Variants in TNIK observed in about 807,000 individuals in gnomAD.
The protein encoded by TNIK is TRAF2 and NCK-interacting protein kinase.
A neutral mutation model predicts 191.3 loss-of-function variants in TNIK; 49 were observed. The ratio of observed to expected loss-of-function variants is 0.26; its 90% CI spans 0.20 to 0.32. The LOEUF is 0.32. TNIK is among the 10% of genes least tolerant of loss of function. The pLI is 1.00. For missense variants in TNIK, 1,155 were observed against 1,702.3 expected (o/e 0.68, Z 5.66); for synonymous variants, 594 against 600.9 (o/e 0.99, Z 0.17).
At chr3:171,215,284 G>A (rs765802841) in intron 3 of TNIK, among the ~76,000 whole-genome samples, 3 of 152,060 alleles carry the variant, frequency 2.0e-5, no homozygotes, top group Non-Finnish European at 4.4e-5. Flanking sequence ...ACCTCTGATG[G>A]CAACATGATT....
intron 12 of TNIK, among the ~76,000 whole-genome samples, chr3:171,155,276 G>A (rs1420091385): frequency 1.3e-5 from 2 of 152,222 alleles, no homozygotes; most frequent in Admixed American, 1.3e-4. Context: ...GGACCTGGCA[G>A]GAGCAGGACA....
intron 15 of TNIK, among the ~76,000 whole-genome samples, chr3:171,137,985 CAAA>C (rs1730280538): frequency 9.8e-6 from 1 of 101,820 alleles, no homozygotes; most frequent in Non-Finnish European, 2.0e-5. Flanking sequence ...AAAAAAAAAA[CAAA>C]AACAAAACCT....
At chr3:171,273,380 T>TAA (rs1212376432) in intron 2 of TNIK, among the ~76,000 whole-genome samples, 1 of 152,178 alleles carries the variant, frequency 6.6e-6, no homozygotes, top group Non-Finnish European at 1.5e-5. Context: ...TGTGCTTACT[T>TAA]CCCTCTCTTT....
intron 2 of TNIK, among the ~76,000 whole-genome samples, chr3:171,268,013 C>A (rs1379112403): frequency 2.0e-5 from 3 of 152,060 alleles, no homozygotes; most frequent in East Asian, 1.9e-4. Flanking sequence ...CATGACCCTT[C>A]CATTGCACCA....
At chr3:171,116,100 T>C (rs1452476754) in intron 18 of TNIK, among the ~76,000 whole-genome samples, 1 of 152,242 alleles carries the variant, frequency 6.6e-6, no homozygotes, top group African/African-American at 2.4e-5. Context: ...TTACCACACA[T>C]AGAAATAGGG....
chr3:171,181,096 G>T (rs138938515), intron 7 of TNIK, among the ~76,000 whole-genome samples: 1 of 152,310 alleles, frequency 6.6e-6, no homozygotes, highest in African/African-American at 2.4e-5. Flanking sequence ...CCCACCTCGG[G>T]TTCTCAAAGT....
At chr3:171,190,643 A>T in intron 6 of TNIK, 54 bp downstream of exon 6, 1 of 1,367,770 alleles carries the variant, frequency 7.3e-7, no homozygotes, top group Non-Finnish European at 1.0e-6. Context: ...TAGAGCTGTT[A>T]ATATAATCTC....
In TNIK at chr3:171,282,334, G is replaced by GTTTTTTTTTTT. The variant is rs201489240; in HGVS notation, c.124-54114_124-54113insAAAAAAAAAAA. Among the ~76,000 whole-genome samples the GTTTTTTTTTTT allele has an allele frequency of 4.5e-4, 51 of 114,488 alleles. 2 individuals carry two copies. Among genetic ancestry groups the GTTTTTTTTTTT allele is most frequent in the Middle Eastern group, 4.4e-3 (1 of 226 alleles). 75.1% of individuals were successfully genotyped at this position (114,488 alleles called of 152,430 possible). A position where few individuals can be genotyped will look rare whatever the true frequency, so the allele number is the denominator to read the frequency against. On this transcript the variant is annotated intron_variant, in intron 2 of 32. Transcript: ENST00000436636. ...GAACTATCTGCAGATTCTCTTAATGGTTTTTTGTTTTTTTTTTTTTTTTTG... is the reference window on the plus strand; with the variant it reads ...GAACTATCTGCAGATTCTCTTAATGGTTTTTTTTTTTTTTTTTGTTTTTTTTTTTTTTTTTG...
chr3:171,188,091 G>A (rs186103673), intron 7 of TNIK, among the ~76,000 whole-genome samples: 52 of 152,316 alleles, frequency 3.4e-4, no homozygotes, highest in Admixed American at 6.5e-4. Flanking sequence ...GGGCTTCTTG[G>A]AGAAATCTAT....
intron 2 of TNIK, among the ~76,000 whole-genome samples, chr3:171,326,732 T>C (rs1471395980): frequency 6.6e-6 from 1 of 152,116 alleles, no homozygotes; most frequent in Non-Finnish European, 1.5e-5. Flanking sequence ...AGTCTGGAAA[T>C]CATCCTTTGA....
intron 2 of TNIK, among the ~76,000 whole-genome samples, chr3:171,358,760 T>G (rs899811614): frequency 3.3e-5 from 5 of 152,068 alleles, no homozygotes; most frequent in African/African-American, 1.2e-4. Context: ...CACCTGCAGA[T>G]AATAAAGTGG....
rs71634497 is a variant in TNIK at position 171,327,900 on chromosome 3, T to TAAAAAAAAAAAAAAAA, written c.123+41704_123+41719dup. ...ATCTGTGGCTCCCAAACCTGGCTCA[T>TAAAAAAAAAAAAAAAA]AAAAAAAAAAAAAAAAAAAAAAAAA... On this transcript the variant is annotated intron_variant, in intron 2 of 32. Coordinates refer to ENST00000436636, the MANE Select transcript of TNIK (RefSeq NM_015028.4). 8.4e-4 allele frequency among the ~76,000 whole-genome samples: 67 copies of TAAAAAAAAAAAAAAAA among 79,630 alleles called. 1 individual carries two copies. Among genetic ancestry groups the TAAAAAAAAAAAAAAAA allele is most frequent in the East Asian group, 2.8e-3 (5 of 1,784 alleles). 52.2% of individuals were successfully genotyped at this position (79,630 alleles called of 152,430 possible).
intron 22 of TNIK, among the ~76,000 whole-genome samples, chr3:171,099,523 T>C (rs1363754064): frequency 2.0e-5 from 3 of 152,042 alleles, no homozygotes; most frequent in Non-Finnish European, 4.4e-5. Context: ...CCATGGAACG[T>C]GTTAAGAGCA....
At chr3:171,330,413 A>G (rs1046661626) in intron 2 of TNIK, among the ~76,000 whole-genome samples, 31 of 152,380 alleles carry the variant, frequency 2.0e-4, no homozygotes, top group African/African-American at 7.5e-4. Flanking sequence ...AAGGCTAAAC[A>G]AAGATTAATG....
chr3:171,428,915 C>G lies in TNIK; in HGVS notation c.57+31092G>C, dbSNP rs534017882. 3.8e-4 allele frequency among the ~76,000 whole-genome samples: 58 copies of G among 152,290 alleles called. 1 individual carries two copies. Among genetic ancestry groups the G allele is most frequent in the African/African-American group, 1.3e-3 (55 of 41,558 alleles). On this transcript the variant is annotated intron_variant, in intron 1 of 32. Transcript: ENST00000436636. ...AATTCTGTCCCTTGTCCCCCTGAAG[C>G]TACACTGCCAAGACCTTACACTCAT...
intron 17 of TNIK, among the ~76,000 whole-genome samples, chr3:171,124,640 A>G (rs1318920948): frequency 6.6e-6 from 1 of 152,202 alleles, no homozygotes; most frequent in Admixed American, 6.5e-5. Context: ...TAACATAAAG[A>G]TGAGTCAGTA....
intron 15 of TNIK, among the ~76,000 whole-genome samples, chr3:171,135,704 C>T (rs1311342034): frequency 1.3e-5 from 2 of 152,188 alleles, no homozygotes; most frequent in Non-Finnish European, 2.9e-5. Context: ...ATGTCACCCA[C>T]CAGAGATGGC....
intron 10 of TNIK, among the ~76,000 whole-genome samples, chr3:171,164,189 G>C (rs1734335294): frequency 6.6e-6 from 1 of 152,142 alleles, no homozygotes; most frequent in Non-Finnish European, 1.5e-5. Flanking sequence ...TTTCCACTCT[G>C]CAGAGAACAA....
At chr3:171,117,250 A>G (rs1308725931) in intron 18 of TNIK, among the ~76,000 whole-genome samples, 1 of 152,234 alleles carries the variant, frequency 6.6e-6, no homozygotes, top group African/African-American at 2.4e-5. Flanking sequence ...TCAAGAAATC[A>G]AGGGCTCTTT....
Sources: allele counts gnomAD v4.1 joint callset (sites outside exome capture counted in the v4.1 genomes callset), GRCh38; gene constraint gnomAD v4.1.1; transcripts MANE v1.5; gene names NCBI Gene and HGNC (gene_info 2026-07-23, HGNC 2026-07-21).